The following PCDHGA6 variants were observed in gnomAD, a reference collection of about 807,000 sequenced individuals.
The protein encoded by PCDHGA6 is protocadherin gamma subfamily A, 6, also known as protocadherin gamma-A6.
In PCDHGA6, 41 loss-of-function variants were observed where a neutral mutation model predicts 60.6. The ratio of observed to expected loss-of-function variants is 0.68; its 90% CI spans 0.53 to 0.88. The LOEUF is 0.88. Among genes scored for constraint, PCDHGA6 ranks in the 40% least tolerant of loss-of-function variants. The pLI is 0.00. For missense variants in PCDHGA6, 1,312 were observed against 1,203.0 expected (o/e 1.09, Z -1.34); for synonymous variants, 594 against 524.4 (o/e 1.13, Z -1.81).
chr5:141,504,786 C>T (rs568185327), intron 2 of PCDHGA6, among the ~76,000 whole-genome samples: 1 of 152,132 alleles, frequency 6.6e-6, no homozygotes, highest in Non-Finnish European at 1.5e-5. Flanking sequence ...TCTCTTGGGG[C>T]CTCCTACATC....
intron 1 of PCDHGA6, among the ~76,000 whole-genome samples, chr5:141,483,208 G>A (rs1195144442): frequency 6.6e-6 from 1 of 152,196 alleles, no homozygotes; most frequent in East Asian, 1.9e-4. Context: ...ATTCCATATA[G>A]ATGACAGTCA....
At position 141,501,332 on chromosome 5, in the gene PCDHGA6, CA is replaced by C. The variant is rs1257793029; in HGVS notation, c.2484-4060del. 1.8e-3 allele frequency among the ~76,000 whole-genome samples: 265 copies of C among 149,784 alleles called. 1 individual carries two copies. The highest frequency in any genetic ancestry group is 5.2e-3 in the African/African-American group (209 of 40,512). On this transcript the variant is annotated intron_variant, in intron 2 of 3. Transcript: ENST00000517434. Reference sequence around the variant, plus strand: ...ACACACACACACACACACACACACACACCCCAAACTCAATAGGGCAAGAACC... The same window carrying C: ...ACACACACACACACACACACACACACCCCCAAACTCAATAGGGCAAGAACC...
intron 1 of PCDHGA6, among the ~76,000 whole-genome samples, chr5:141,462,839 T>C (rs1020663897): frequency 8.5e-5 from 13 of 152,228 alleles, no homozygotes; most frequent in Non-Finnish European, 1.5e-4. Context: ...GTAAATGTTA[T>C]ATTTTTGAGT....
chr5:141,419,853 C>A lies in PCDHGA6; in HGVS notation c.2424+43346C>A, dbSNP rs1327953878. The A allele has an allele frequency of 1.9e-6, 3 of 1,614,072 alleles. No homozygotes were observed. In the Admixed American group the frequency reaches 5.0e-5, roughly 27 times the overall value. The stretch of plus-strand genomic sequence containing the variant: ...ACTGCCACGCTGCACCTGGTGTTCG[C>A]AGATAGCTTGCAAGAGGTACTGCCG... On this transcript the variant is annotated intron_variant, in intron 1 of 3. Transcript: ENST00000517434.
In PCDHGA6 at chr5:141,374,599, C is replaced by T. The variant is rs948691402; in HGVS notation, c.516C>T (p.Leu172=). 6.2e-6 allele frequency: 10 copies of T among 1,613,528 alleles called. No homozygotes were observed. The highest frequency in any genetic ancestry group is 1.3e-5 in the African/African-American group (1 of 74,924). The change falls in exon 1 of 4, where the codon CTC becomes CTT. Residue 172 remains leucine (L), a synonymous_variant. Transcript: ENST00000517434. ...VGMNSLQGFK[L]SGNSHFSVDV... Reference sequence around the variant, plus strand: ...TGAACTCCCTTCAGGGATTTAAGCTCAGTGGTAATAGTCACTTCTCAGTGG... The same window carrying T: ...TGAACTCCCTTCAGGGATTTAAGCTTAGTGGTAATAGTCACTTCTCAGTGG...
chr5:141,460,498 T>C (rs1028506755), intron 1 of PCDHGA6, among the ~76,000 whole-genome samples: 3 of 152,184 alleles, frequency 2.0e-5, no homozygotes, highest in African/African-American at 7.2e-5. Context: ...TGGAAAAATA[T>C]GCTGAGAAGG....
intron 1 of PCDHGA6, chr5:141,396,605 G>A (rs2093403616): frequency 6.6e-6 from 1 of 151,594 alleles, no homozygotes; most frequent in Non-Finnish European, 1.5e-5. Flanking sequence ...GGGCAACAGG[G>A]TGAGACTCCG....
At chr5:141,419,528 G>A (rs966922299) in intron 1 of PCDHGA6, 10 of 1,612,056 alleles carry the variant, frequency 6.2e-6, no homozygotes, top group Admixed American at 1.7e-5. Flanking sequence ...CGACCGTAAC[G>A]ACAACGCACC....
rs781550738 is a variant in PCDHGA6 at position 141,487,383 on chromosome 5, C to A, written c.2425-7424C>A. On this transcript the variant is annotated intron_variant, in intron 1 of 3. Transcript: ENST00000517434. This position sits in a 1 kb window ranked among gnomAD's most constrained non-coding sequence, Gnocchi z 5.0. Reference sequence around the variant, plus strand: ...GGCACCTGTGCCTGTCTCACCAGATCTCGAAGGAGGGAGGGGCTTCCCCCT... The same window carrying A: ...GGCACCTGTGCCTGTCTCACCAGATATCGAAGGAGGGAGGGGCTTCCCCCT... The A allele has an allele frequency of 3.7e-6, 6 of 1,614,196 alleles. No individual in the cohort carries two copies. The South Asian group carries it at 6.6e-5, about 18-fold the overall frequency.
intron 1 of PCDHGA6, chr5:141,421,969 T>C (rs1039340340): frequency 1.2e-6 from 2 of 1,611,188 alleles, no homozygotes; most frequent in Admixed American, 1.7e-5. Flanking sequence ...ACAGTCCGTA[T>C]ATCGCGTGAG....
At chr5:141,454,428 CAG>C (rs1412897540) in intron 1 of PCDHGA6, among the ~76,000 whole-genome samples, 1 of 152,172 alleles carries the variant, frequency 6.6e-6, no homozygotes, top group Admixed American at 6.5e-5. Flanking sequence ...TATTTAGAGA[CAG>C]AGTTTCACTC....
intron 1 of PCDHGA6, 102 bp from the exon 2 acceptor site, chr5:141,494,705 G>A (rs2099756254): frequency 1.3e-6 from 2 of 1,597,990 alleles, no homozygotes; most frequent in East Asian, 2.2e-5. Context: ...TTTCTTCTCT[G>A]TGCCCACTCC....
In PCDHGA6 at chr5:141,376,110, G is replaced by C. The variant is rs772810239; in HGVS notation, c.2027G>C (p.Gly676Ala). 1 of 1,613,644 alleles carries C rather than the reference G, an allele frequency of 6.2e-7. No individual in the cohort carries two copies. Residue 676 changes from glycine (G) to alanine (A), a missense_variant, in exon 1 of 4, where the codon GGC becomes GCC. Physicochemically the swap from Gly to Ala is moderately conservative, Grantham distance 60 (BLOSUM62 0). Transcript: ENST00000517434. ...ATCCCCGACATCCTGGCCGACCTGG[G>C]CAGCCTCGAGCCCTCCGCCAAACCC... Reference protein sequence around the residue: ...DRIPDILADLGSLEPSAKPND... With the variant: ...DRIPDILADLASLEPSAKPND...
Position 141,485,046 on chromosome 5 carries a change from G to A in PCDHGA6, c.2425-9761G>A. On this transcript the variant is annotated intron_variant, in intron 1 of 3. Transcript: ENST00000517434. This position sits in a 1 kb window ranked among gnomAD's most constrained non-coding sequence, Gnocchi z 5.7. ...AAAAACGGCGCGTAACCCTTGCGGCGCCGGCCGAACCGCGCCAGAGCTGGC... is the reference window on the plus strand; with the variant it reads ...AAAAACGGCGCGTAACCCTTGCGGCACCGGCCGAACCGCGCCAGAGCTGGC... 2 of 750,304 alleles carry A rather than the reference G, an allele frequency of 2.7e-6. No individual in the cohort carries two copies. The highest frequency in any genetic ancestry group is 4.5e-6 in the Non-Finnish European group (2 of 443,046). The allele number at this position is 750,304 out of a possible 1,614,324, so 46.5% of individuals were successfully genotyped here. A position where few individuals can be genotyped will look rare whatever the true frequency, so the allele number is the denominator to read the frequency against.
At position 141,494,885 on chromosome 5, in the gene PCDHGA6, G is replaced by T; in HGVS notation, c.2483+20G>T. The T allele has an allele frequency of 6.8e-6, 11 of 1,614,082 alleles. No homozygotes were observed. The highest frequency in any genetic ancestry group is 8.5e-6 in the Non-Finnish European group (10 of 1,179,992). Reference sequence around the variant, plus strand: ...CAGCGGGTAGGTGACTGATTCTCCAGCCCACCCTCTTCTCTGCGGCATTTT... The same window carrying T: ...CAGCGGGTAGGTGACTGATTCTCCATCCCACCCTCTTCTCTGCGGCATTTT... On this transcript the variant is annotated intron_variant, in intron 2 of 3. Transcript: ENST00000517434.
chr5:141,388,226 G>A, intron 1 of PCDHGA6: 1 of 1,605,056 alleles, frequency 6.2e-7, no homozygotes, highest in Non-Finnish European at 8.5e-7. Flanking sequence ...AAAATCCACT[G>A]AACTTTTATC....
chr5:141,469,711 T>C (rs894622720), intron 1 of PCDHGA6, among the ~76,000 whole-genome samples: 13 of 152,372 alleles, frequency 8.5e-5, no homozygotes, highest in African/African-American at 2.4e-4. Flanking sequence ...AATCACACTA[T>C]TAGGAATTTA....
chr5:141,414,635 A>G (rs753834653), intron 1 of PCDHGA6: 72 of 1,613,866 alleles, frequency 4.5e-5, no homozygotes, highest in Admixed American at 2.0e-4. Flanking sequence ...GACAGCAAAG[A>G]GAATGCCCAG....
chr5:141,382,569 T>G (rs72790022), intron 1 of PCDHGA6, among the ~76,000 whole-genome samples: 9,817 of 152,272 alleles, frequency 0.064, 368 homozygotes, highest in African/African-American at 0.1. Flanking sequence ...CAAAGAAATC[T>G]AACAGGGAAA....
Sources: allele counts gnomAD v4.1 joint callset (sites outside exome capture counted in the v4.1 genomes callset), GRCh38; gene constraint gnomAD v4.1.1; non-coding constraint Gnocchi (gnomAD v3.1); transcripts MANE v1.5; gene names NCBI Gene and HGNC (gene_info 2026-07-23, HGNC 2026-07-21).